CTNNA3: variants seen among roughly 807,000 people sequenced by gnomAD.
The protein encoded by CTNNA3 is catenin alpha-3.
In CTNNA3, 76 loss-of-function variants were observed where a neutral mutation model predicts 95.7. The ratio of observed to expected loss-of-function variants is 0.79; its 90% confidence interval spans 0.66 to 0.96. The LOEUF is 0.96. CTNNA3 is among the 40% of genes least tolerant of loss of function. The probability of loss-of-function intolerance (pLI) is 0.00; values close to 1 mark genes in which losing one functional copy is unlikely to be tolerated. For synonymous variants in CTNNA3, 431 were observed against 374.4 expected, an observed-to-expected ratio of 1.15 and a Z score of -1.74; for missense variants, 1,191 against 1,089.8, an observed-to-expected ratio of 1.09 and a Z score of -1.31.
chr10:66,212,633 T>C (rs1455798941), intron 13 of CTNNA3, among the ~76,000 whole-genome samples: 1 of 152,204 alleles, frequency 6.6e-6, no homozygotes, highest in East Asian at 1.9e-4. Context: ...TTTAATTTAG[T>C]ATTTGAATTA....
intron 15 of CTNNA3, among the ~76,000 whole-genome samples, chr10:66,034,380 G>T (rs941601802): frequency 6.6e-6 from 1 of 152,028 alleles, no homozygotes; most frequent in African/African-American, 2.4e-5. Flanking sequence ...TTCTACTAGA[G>T]AATTCTGAGA....
intron 5 of CTNNA3, among the ~76,000 whole-genome samples, chr10:67,391,066 CAGG>C (rs1395675089): frequency 6.6e-6 from 1 of 150,554 alleles, no homozygotes; most frequent in Non-Finnish European, 1.5e-5. Flanking sequence ...GGCAATTAGG[CAGG>C]AGAAGGAAAT....
intron 15 of CTNNA3, among the ~76,000 whole-genome samples, chr10:66,030,782 T>TA (rs1339690139): frequency 6.6e-6 from 1 of 152,010 alleles, no homozygotes; most frequent in African/African-American, 2.4e-5. Flanking sequence ...TGGAGTAAAA[T>TA]ATTCAAAAAT....
intron 5 of CTNNA3, among the ~76,000 whole-genome samples, chr10:67,254,686 T>C (rs1301440802): frequency 6.6e-6 from 1 of 152,234 alleles, no homozygotes; most frequent in Non-Finnish European, 1.5e-5. Flanking sequence ...TTTTACCTTT[T>C]CTATGTTTAG....
rs548503252 is a variant in CTNNA3, at chr10:67,611,608, G to A, written c.100-4559C>T. Among the ~76,000 whole-genome samples the A allele has an allele frequency of 1.6e-4, 24 of 152,212 alleles. 1 individual carries two copies. The South Asian group carries it at 5.0e-3, about 32-fold the overall frequency. On this transcript the variant is annotated intron_variant, in intron 2 of 17. Coordinates refer to ENST00000433211, the MANE Select transcript of CTNNA3 (RefSeq NM_013266.4). ...TGGGATTACAGGCGTGAGCCACTGCGCCTGGCCGTGAAATGTCTTTTTTAA... is the reference window on the plus strand; with the variant it reads ...TGGGATTACAGGCGTGAGCCACTGCACCTGGCCGTGAAATGTCTTTTTTAA...
At chr10:66,227,375 G>GTTT (rs34919798) in intron 13 of CTNNA3, among the ~76,000 whole-genome samples, 85 of 136,436 alleles carry the variant, frequency 6.2e-4, no homozygotes, top group African/African-American at 2.1e-3. Context: ...GTTAAGAGGT[G>GTTT]TTTTTTTTTT....
At chr10:67,498,951 G>A (rs556995094) in intron 5 of CTNNA3, among the ~76,000 whole-genome samples, 24 of 152,212 alleles carry the variant, frequency 1.6e-4, no homozygotes, top group African/African-American at 5.3e-4. Context: ...GATTGCCCTG[G>A]CCAGAACTTC....
intron 9 of CTNNA3, among the ~76,000 whole-genome samples, chr10:66,626,305 C>A (rs1378062096): frequency 6.6e-6 from 1 of 152,110 alleles, no homozygotes; most frequent in Middle Eastern, 3.2e-3. Context: ...CTCTCCAGAA[C>A]ACGAAGCAAA....
chr10:66,712,594 T>C (rs1305162880), intron 9 of CTNNA3, among the ~76,000 whole-genome samples: 1 of 141,456 alleles, frequency 7.1e-6, no homozygotes, highest in East Asian at 2.9e-4. Flanking sequence ...TCTCTCTCCC[T>C]CTCTCTCTCT....
At chr10:67,188,377 C>G (rs1175077402) in intron 6 of CTNNA3, among the ~76,000 whole-genome samples, 1 of 152,212 alleles carries the variant, frequency 6.6e-6, no homozygotes, top group Non-Finnish European at 1.5e-5. Flanking sequence ...TCCCTGTATT[C>G]CCAGCTACTT....
intron 12 of CTNNA3, among the ~76,000 whole-genome samples, chr10:66,356,577 CT>C (rs1451312861): frequency 6.6e-6 from 1 of 150,968 alleles, no homozygotes; most frequent in Non-Finnish European, 1.5e-5. Flanking sequence ...TTTATTTTTT[CT>C]TTGCCAATAT....
chr10:66,453,745 T>A lies in CTNNA3; in HGVS notation c.1531+66872A>T, dbSNP rs1226222867. Reference sequence around the variant, plus strand: ...GACAATAGGATGCTAGATGTAATTATCAACTGAACTTAAGCATGTTGATTG... The same window carrying A: ...GACAATAGGATGCTAGATGTAATTAACAACTGAACTTAAGCATGTTGATTG... On this transcript the variant is annotated intron_variant, in intron 11 of 17. Transcript: ENST00000433211. Among the ~76,000 whole-genome samples, 3 of 152,216 alleles carry A rather than the reference T, an allele frequency of 2.0e-5. 1 individual carries two copies. The highest frequency in any genetic ancestry group is 4.4e-5 in the Non-Finnish European group (3 of 68,038).
At chr10:66,788,882 C>T (rs1361077051) in intron 7 of CTNNA3, among the ~76,000 whole-genome samples, 1 of 152,094 alleles carries the variant, frequency 6.6e-6, no homozygotes, top group African/African-American at 2.4e-5. Flanking sequence ...TAAGGGGGTG[C>T]CAGTCAACCT....
At chr10:67,051,099 T>C (rs1283550057) in intron 7 of CTNNA3, among the ~76,000 whole-genome samples, 1 of 152,160 alleles carries the variant, frequency 6.6e-6, no homozygotes, top group Non-Finnish European at 1.5e-5. Context: ...ACCAATAAAA[T>C]AAAGACAGAG....
intron 11 of CTNNA3, among the ~76,000 whole-genome samples, chr10:66,507,357 T>G (rs1019198167): frequency 1.3e-5 from 2 of 152,150 alleles, no homozygotes; most frequent in Admixed American, 1.3e-4. Context: ...TAATGAGAAC[T>G]TTCAAAATCC....
At chr10:66,494,317 C>T (rs1016300490) in intron 11 of CTNNA3, among the ~76,000 whole-genome samples, 2 of 152,094 alleles carry the variant, frequency 1.3e-5, no homozygotes, top group Non-Finnish European at 2.9e-5. Flanking sequence ...AAACTTGGTC[C>T]GATTAATCAG....
intron 17 of CTNNA3, among the ~76,000 whole-genome samples, chr10:65,929,865 C>A (rs2077223940): frequency 6.6e-6 from 1 of 151,936 alleles, no homozygotes; most frequent in Non-Finnish European, 1.5e-5. Context: ...CGTGCCTGGC[C>A]AAAGCTATAG....
At position 65,938,900 on chromosome 10, in the gene CTNNA3, T is replaced by C. The variant is rs997160074; in HGVS notation, c.2401-18283A>G. Among the ~76,000 whole-genome samples, 146 of 151,740 alleles carry C rather than the reference T, an allele frequency of 9.6e-4. 1 individual carries two copies. Among genetic ancestry groups the C allele is most frequent in the Admixed American group, 3.9e-3 (60 of 15,234 alleles). On this transcript the variant is annotated intron_variant, in intron 17 of 17. Transcript: ENST00000433211. The stretch of plus-strand genomic sequence containing the variant: ...GTAGAAAGAGTTTTCCTTTTTTTTT[T>C]TCTCTTTTTTCTTTTCTTTTTAGAC...
intron 17 of CTNNA3, among the ~76,000 whole-genome samples, chr10:65,935,363 C>T (rs1435475126): frequency 6.6e-6 from 1 of 151,950 alleles, no homozygotes; most frequent in Non-Finnish European, 1.5e-5. Context: ...TTAATCTTAT[C>T]GTTCTGCTTA....
Sources: allele counts gnomAD v4.1 joint callset (sites outside exome capture counted in the v4.1 genomes callset), GRCh38; gene constraint gnomAD v4.1.1; transcripts MANE v1.5; gene names NCBI Gene and HGNC (gene_info 2026-07-23, HGNC 2026-07-21).